The following PDE1C variants were observed in gnomAD, a reference collection of about 807,000 sequenced individuals.
PDE1C encodes phosphodiesterase 1C, also known as dual specificity calcium/calmodulin-dependent 3',5'-cyclic nucleotide phosphodiesterase 1C.
In PDE1C, 62 loss-of-function variants were observed where a neutral mutation model predicts 93.1. That is an observed-to-expected ratio of 0.67 (90% confidence interval 0.54 to 0.82). The LOEUF (loss-of-function observed/expected upper bound fraction) is 0.82, where lower values mean the gene tolerates loss of function less well. Ranked by LOEUF, PDE1C falls within the 40% of genes least tolerant of loss-of-function variation. PDE1C has a pLI of 0.00. For missense variants in PDE1C, 742 were observed against 884.6 expected (o/e 0.84, Z 2.04); for synonymous variants, 325 against 310.1 (o/e 1.05, Z -0.50).
At chr7:31,675,430 G>A in the PDE1C span, among the ~76,000 whole-genome samples, 16 of 152,036 alleles carry the variant, frequency 1.1e-4, no homozygotes, top group Non-Finnish European at 2.1e-4. Context: ...CATTAGTGTT[G>A]GTGGTGGCTT....
chr7:32,198,514 T>C (rs1199461123), intron 2 of PDE1C, among the ~76,000 whole-genome samples: 4 of 152,238 alleles, frequency 2.6e-5, no homozygotes, highest in Non-Finnish European at 5.9e-5. Flanking sequence ...ATAGCAGCTC[T>C]GTTTCACAAA....
chr7:32,222,484 G>C (rs966489470), intron 1 of PDE1C, among the ~76,000 whole-genome samples: 1 of 152,184 alleles, frequency 6.6e-6, no homozygotes, highest in Non-Finnish European at 1.5e-5. Flanking sequence ...CATGCTGCTA[G>C]GAACTGTCCT....
At chr7:32,350,515 G>GA (rs1480780116) in intron 1 of PDE1C, among the ~76,000 whole-genome samples, 1 of 148,738 alleles carries the variant, frequency 6.7e-6, no homozygotes, top group Non-Finnish European at 1.5e-5. Flanking sequence ...TTAGAATCTG[G>GA]TCCAACTAAG....
At chr7:31,854,694 T>G (rs753753998) in intron 7 of PDE1C, among the ~76,000 whole-genome samples, 5 of 152,316 alleles carry the variant, frequency 3.3e-5, no homozygotes, top group Non-Finnish European at 7.3e-5. Flanking sequence ...GTGACTTTTC[T>G]ATGTGAATGA....
At chr7:32,357,923 T>G (rs557491783) in intron 1 of PDE1C, among the ~76,000 whole-genome samples, 2 of 152,160 alleles carry the variant, frequency 1.3e-5, no homozygotes, top group Non-Finnish European at 2.9e-5. Context: ...AGACTCAAAG[T>G]GTTCATGAGT....
chr7:32,162,822 G>T (rs1238486838), intron 3 of PDE1C, among the ~76,000 whole-genome samples: 2 of 152,026 alleles, frequency 1.3e-5, no homozygotes, highest in African/African-American at 4.8e-5. Context: ...ATATTCTCAT[G>T]GCCACCACAG....
intron 1 of PDE1C, among the ~76,000 whole-genome samples, chr7:32,212,254 G>T (rs1478000928): frequency 6.6e-6 from 1 of 151,956 alleles, no homozygotes; most frequent in Non-Finnish European, 1.5e-5. Flanking sequence ...AGACACCAAT[G>T]TCACTATTTC....
At chr7:32,233,498 C>T (rs1399144537) in intron 1 of PDE1C, among the ~76,000 whole-genome samples, 1 of 151,852 alleles carries the variant, frequency 6.6e-6, no homozygotes, top group Non-Finnish European at 1.5e-5. Flanking sequence ...AAAATTATAC[C>T]ATGCAAACAT....
At chr7:32,300,098 CA>C (rs202174083), upstream of PDE1C, among the ~76,000 whole-genome samples, 1 of 151,476 alleles carries the variant, frequency 6.6e-6, no homozygotes, top group African/African-American at 2.4e-5. Context: ...AACCTTGTCC[CA>C]AAAAAAACAC....
In PDE1C at chr7:31,823,231, G is replaced by A. The variant is rs374762274; in HGVS notation, c.1424C>T (p.Ser475Leu). 177 of 1,607,610 alleles carry A rather than the reference G, an allele frequency of 1.1e-4. No homozygotes were observed. Among genetic ancestry groups the A allele is most frequent in the Non-Finnish European group, 1.5e-4 (171 of 1,178,022 alleles). ...GACACCTGATCGCTTGGCATCTGAC[G>A]AGCTGATGCTATTCAAACTGGAAAA... ...QRRSSLNSIS[S>L]SDAKRSGVKT... Residue 475 changes from serine (S) to leucine (L), a missense_variant, in exon 14 of 18, where the codon TCG (serine) becomes TTG (leucine). Around this residue, in one of 4 missense-constraint regions of PDE1C, gnomAD observed 454 missense variants for 459.4 expected, o/e 0.99. Coordinates refer to ENST00000396191, the MANE Select transcript of PDE1C (RefSeq NM_001191057.4).
At chr7:31,639,159 T>G in the PDE1C span, among the ~76,000 whole-genome samples, 4 of 152,256 alleles carry the variant, frequency 2.6e-5, no homozygotes, top group Non-Finnish European at 4.4e-5. Context: ...TGAAACAAAC[T>G]TTTCTTTGAA....
chr7:32,363,461 T>C (rs1784175509), intron 1 of PDE1C, among the ~76,000 whole-genome samples: 1 of 152,222 alleles, frequency 6.6e-6, no homozygotes, highest in African/African-American at 2.4e-5. Context: ...TTTCCTAGGA[T>C]ACAAAGGTCC....
chr7:31,978,646 G>A (rs1170183285), intron 2 of PDE1C, among the ~76,000 whole-genome samples: 1 of 152,214 alleles, frequency 6.6e-6, no homozygotes, highest in Non-Finnish European at 1.5e-5. Flanking sequence ...ACAGCAACCT[G>A]TAGATGCAGC....
At chr7:32,086,189 A>G (rs1437131223) in intron 3 of PDE1C, among the ~76,000 whole-genome samples, 18 of 138,368 alleles carry the variant, frequency 1.3e-4, no homozygotes, top group Admixed American at 1.3e-3. Context: ...CAAAAATCAC[A>G]AGCATTCTTA....
intron 1 of PDE1C, among the ~76,000 whole-genome samples, chr7:32,259,394 C>T (rs1408414226): frequency 6.6e-6 from 1 of 152,100 alleles, no homozygotes; most frequent in Admixed American, 6.5e-5. Context: ...AGGTACAGGA[C>T]AAATGTCTCA....
Position 31,819,505 on chromosome 7 carries a change from C to T in PDE1C, c.1583-3351G>A, listed in dbSNP as rs932895739. ...CTTAGATTTAGCATCTACTAGGCTT[C>T]TTGACTAGTAGAAAGCAAGAGATGT... On this transcript the variant is annotated intron_variant, in intron 14 of 17. Transcript: ENST00000396191. 5.3e-5 allele frequency among the ~76,000 whole-genome samples: 8 copies of T among 152,096 alleles called. No homozygotes were observed. The South Asian group carries it at 1.4e-3, about 28-fold the overall frequency.
intron 3 of PDE1C, among the ~76,000 whole-genome samples, chr7:32,097,097 C>A (rs776627030): frequency 1.1e-4 from 17 of 152,170 alleles, no homozygotes; most frequent in Non-Finnish European, 1.5e-5. Context: ...AGGAGAGGTT[C>A]TCTGCCTTAC....
intron 1 of PDE1C, among the ~76,000 whole-genome samples, chr7:32,361,546 C>T (rs1299189675): frequency 3.9e-5 from 6 of 152,188 alleles, no homozygotes; most frequent in Non-Finnish European, 8.8e-5. Flanking sequence ...CCCTGACCCT[C>T]GCACATGCCA....
At chr7:31,829,818 G>C (rs1167165295) in intron 11 of PDE1C, among the ~76,000 whole-genome samples, 4 of 152,162 alleles carry the variant, frequency 2.6e-5, no homozygotes, top group Non-Finnish European at 5.9e-5. Flanking sequence ...TTTCTACCTA[G>C]GTGATATGTA....
Sources: allele counts gnomAD v4.1 joint callset (sites outside exome capture counted in the v4.1 genomes callset), GRCh38; gene constraint gnomAD v4.1.1; regional missense constraint gnomAD v4.1.1; transcripts MANE v1.5; gene names NCBI Gene and HGNC (gene_info 2026-07-23, HGNC 2026-07-21).